The following THRB variants were observed in gnomAD, a reference collection of about 807,000 sequenced individuals.
THRB encodes the protein nuclear receptor subfamily 1 group A member 2.
In THRB, 12 loss-of-function variants were observed where a neutral mutation model predicts 47.8. That is an observed-to-expected ratio of 0.25 (90% CI 0.16 to 0.41). The LOEUF is 0.41. THRB is among the 10% of genes least tolerant of loss of function. THRB has a pLI of 1.00. For synonymous variants in THRB, 218 were observed against 212.2 expected, an observed-to-expected ratio of 1.03 and a Z score of -0.24; for missense variants, 348 against 589.2, an observed-to-expected ratio of 0.59 and a Z score of 4.24.
At chr3:24,484,070 C>A (rs1448160701) in intron 1 of THRB, 1 of 152,100 alleles carries the variant, frequency 6.6e-6, no homozygotes, top group African/African-American at 2.4e-5. Context: ...ATGGAGGAGC[C>A]CAAGACCAGA....
intron 1 of THRB, among the ~76,000 whole-genome samples, chr3:24,443,890 G>C (rs541143737): frequency 6.6e-6 from 1 of 152,272 alleles, no homozygotes; most frequent in African/African-American, 2.4e-5. Flanking sequence ...ACAATTCTAA[G>C]AGGAGGAGGT....
intron 2 of THRB, among the ~76,000 whole-genome samples, chr3:24,297,861 AT>A (rs1462688374): frequency 2.0e-5 from 3 of 152,210 alleles, no homozygotes; most frequent in Admixed American, 6.5e-5. Flanking sequence ...GCCTCAGGTG[AT>A]TCCAACTTGT....
chr3:24,488,924 T>A (rs1697715589), intron 1 of THRB, among the ~76,000 whole-genome samples: 1 of 152,200 alleles, frequency 6.6e-6, no homozygotes, highest in Non-Finnish European at 1.5e-5. Context: ...CTTCTTAGAA[T>A]AATTTTAAAC....
intron 8 of THRB, 47 bp from the exon 9 acceptor site, chr3:24,133,509 G>C (rs2034180130): frequency 1.9e-6 from 3 of 1,562,244 alleles, no homozygotes; most frequent in Non-Finnish European, 2.6e-6. Flanking sequence ...GTTGAAGGGA[G>C]CTTTATTTAT....
At chr3:24,171,126 T>G (rs1461388564) in intron 5 of THRB, among the ~76,000 whole-genome samples, 2 of 152,196 alleles carry the variant, frequency 1.3e-5, no homozygotes, top group Admixed American at 6.5e-5. Flanking sequence ...AAGTAACTAC[T>G]CAAATTGAGG....
chr3:24,417,486 C>T (rs1334983978), intron 1 of THRB, among the ~76,000 whole-genome samples: 1 of 151,840 alleles, frequency 6.6e-6, no homozygotes, highest in Non-Finnish European at 1.5e-5. Flanking sequence ...ATTTCTTTAT[C>T]AAGGACCTTT....
intron 3 of THRB, among the ~76,000 whole-genome samples, chr3:24,281,317 A>T (rs1222718775): frequency 2.0e-5 from 3 of 151,386 alleles, no homozygotes; most frequent in African/African-American, 7.3e-5. Context: ...TCAACCCAGA[A>T]TTTCATATCC....
In THRB at chr3:24,136,867, C is replaced by T. The variant is rs79853984; in HGVS notation, c.739-3405G>A. On this transcript the variant is annotated intron_variant, in intron 8 of 10. Coordinates refer to ENST00000646209, the MANE Select transcript of THRB (RefSeq NM_001354712.2). ...TGCTCTATGTCTCCCCTACAGCTTG[C>T]CTTACATTTTCCCATTTCACTGCTG... Among the ~76,000 whole-genome samples, 93 of 152,306 alleles carry T rather than the reference C, an allele frequency of 6.1e-4. No homozygotes were observed. In the East Asian group the frequency reaches 0.017, roughly 28 times the overall value.
At chr3:24,265,562 G>T (rs1341046111) in intron 3 of THRB, among the ~76,000 whole-genome samples, 2 of 152,072 alleles carry the variant, frequency 1.3e-5, no homozygotes, top group East Asian at 3.8e-4. Flanking sequence ...AATAATCAAG[G>T]TTTATAATAA....
At chr3:24,315,458 A>G (rs1385625291) in intron 2 of THRB, among the ~76,000 whole-genome samples, 2 of 152,170 alleles carry the variant, frequency 1.3e-5, no homozygotes, top group Non-Finnish European at 2.9e-5. Context: ...GTGGTGACTG[A>G]CGCTTGGCTG....
At chr3:24,280,011 T>G (rs1208851366) in intron 3 of THRB, among the ~76,000 whole-genome samples, 1 of 152,104 alleles carries the variant, frequency 6.6e-6, no homozygotes, top group Non-Finnish European at 1.5e-5. Context: ...GTTAATAGGG[T>G]CCAGCGCACA....
intron 1 of THRB, among the ~76,000 whole-genome samples, chr3:24,408,083 G>T (rs1196126061): frequency 6.6e-6 from 1 of 151,836 alleles, no homozygotes; most frequent in Non-Finnish European, 1.5e-5. Context: ...CATTCTGTCA[G>T]ATTGAACAAC....
At chr3:24,417,094 C>A (rs867162741) in intron 1 of THRB, among the ~76,000 whole-genome samples, 3 of 91,472 alleles carry the variant, frequency 3.3e-5, no homozygotes, top group African/African-American at 1.2e-4. Context: ...AATTTTAAAC[C>A]AACACACACA....
intron 1 of THRB, among the ~76,000 whole-genome samples, chr3:24,473,419 C>T (rs1283643860): frequency 1.3e-5 from 2 of 152,044 alleles, no homozygotes; most frequent in Admixed American, 1.3e-4. Flanking sequence ...GAATGGTGAT[C>T]ATTAAAAAGT....
intron 3 of THRB, 44 bp from the exon 4 acceptor site, chr3:24,229,045 A>G: frequency 6.2e-6 from 7 of 1,135,608 alleles, no homozygotes; most frequent in Non-Finnish European, 9.3e-6. Context: ...TATAATCTGC[A>G]TTTTCCATAA....
In THRB at chr3:24,395,349, T is replaced by C. The variant is rs1359741511; in HGVS notation, c.-260-57978A>G. 8.5e-5 allele frequency among the ~76,000 whole-genome samples: 13 copies of C among 152,142 alleles called. No homozygotes were observed. In the South Asian group the frequency reaches 1.5e-3, roughly 17 times the overall value. On this transcript the variant is annotated intron_variant, in intron 1 of 10. Coordinates refer to ENST00000646209, the MANE Select transcript of THRB (RefSeq NM_001354712.2). ...AAAGACAACCCACAGAAGAGAAGAA[T>C]ATATTTGAAAATCATATATCTTATA...
chr3:24,342,062 TG>T (rs1454254154), intron 1 of THRB, among the ~76,000 whole-genome samples: 1 of 151,866 alleles, frequency 6.6e-6, no homozygotes, highest in Admixed American at 6.6e-5. Flanking sequence ...TTTCAAACTA[TG>T]TTTTGTGGTA....
At chr3:24,162,754 A>G (rs1446075511) in intron 5 of THRB, among the ~76,000 whole-genome samples, 3 of 151,956 alleles carry the variant, frequency 2.0e-5, no homozygotes, top group Admixed American at 6.6e-5. Context: ...AAAGTCTACC[A>G]ATTAAGATAA....
intron 5 of THRB, among the ~76,000 whole-genome samples, chr3:24,171,596 C>T (rs1202060250): frequency 1.3e-5 from 2 of 152,166 alleles, no homozygotes; most frequent in African/African-American, 2.4e-5. Flanking sequence ...CCCACTCCTG[C>T]TTTGACTGTA....
Sources: allele counts gnomAD v4.1 joint callset (sites outside exome capture counted in the v4.1 genomes callset), GRCh38; gene constraint gnomAD v4.1.1; transcripts MANE v1.5; gene names NCBI Gene and HGNC (gene_info 2026-07-23, HGNC 2026-07-21).